The following PRKN variants were observed in gnomAD, a reference collection of about 807,000 sequenced individuals.
PRKN encodes parkin RBR E3 ubiquitin protein ligase, also known as E3 ubiquitin-protein ligase parkin.
Under a neutral mutation model 59.5 loss-of-function variants are expected in PRKN, and 56 were observed. That is an observed-to-expected ratio of 0.94 (90% CI 0.76 to 1.18). The LOEUF is 1.18. Ranked by LOEUF, PRKN falls within the 50% of genes most tolerant of loss-of-function variation. The probability of loss-of-function intolerance (pLI) is 0.00; values close to 1 mark genes in which losing one functional copy is unlikely to be tolerated. For synonymous variants in PRKN, 250 were observed against 222.1 expected (o/e 1.13, Z -1.12); for missense variants, 657 against 596.4 (o/e 1.10, Z -1.06).
In PRKN at chr6:161,445,603, C is replaced by T. The variant is rs1373313469; in HGVS notation, c.1084-58726G>A. Among the ~76,000 whole-genome samples, 1 of 152,214 alleles carries T rather than the reference C, an allele frequency of 6.6e-6. No individual in the cohort carries two copies. The highest frequency in any genetic ancestry group is 2.4e-5 in the African/African-American group (1 of 41,458). On this transcript the variant is annotated intron_variant, in intron 9 of 11. Transcript: ENST00000366898. This position sits in a 1 kb window ranked among gnomAD's most constrained non-coding sequence, Gnocchi z 7.7. ...CAGGGCAGCAGGAGAAAGAGGCCAC[C>T]TGTATCATCCACCCGTGCTGCAGCT...
At chr6:161,802,975 A>C (rs982096219) in intron 6 of PRKN, among the ~76,000 whole-genome samples, 1 of 152,194 alleles carries the variant, frequency 6.6e-6, no homozygotes, top group African/African-American at 2.4e-5. Flanking sequence ...TGATGTGAGA[A>C]GGGTGTTCTG....
chr6:162,651,257 A>G (rs1420701427), intron 1 of PRKN, among the ~76,000 whole-genome samples: 2 of 152,206 alleles, frequency 1.3e-5, no homozygotes, highest in Non-Finnish European at 2.9e-5. Context: ...AAATCTCTCA[A>G]ATGACACTGC....
intron 1 of PRKN, among the ~76,000 whole-genome samples, chr6:162,669,846 T>C (rs543215232): frequency 2.0e-5 from 3 of 152,322 alleles, no homozygotes; most frequent in Admixed American, 6.5e-5. Context: ...GATTGAGGGA[T>C]GGCATATTTG....
chr6:162,149,250 T>G (rs1782158079), intron 4 of PRKN, among the ~76,000 whole-genome samples: 1 of 152,228 alleles, frequency 6.6e-6, no homozygotes, highest in South Asian at 2.1e-4. Context: ...TCTTTTTTCT[T>G]CATAATTTTT....
At chr6:161,914,425 T>C (rs927673619) in intron 6 of PRKN, among the ~76,000 whole-genome samples, 2 of 152,294 alleles carry the variant, frequency 1.3e-5, no homozygotes, top group South Asian at 2.1e-4. Context: ...CTATTCATGG[T>C]GATTATCTCT....
In PRKN at chr6:161,356,760, C is replaced by T. The variant is rs1784773481; in HGVS notation, c.1285+3328G>A. The stretch of plus-strand genomic sequence containing the variant: ...AGAGGAAAAGGTTTTCTAGGAGCAG[C>T]TAGCACTCTGCTTTGTGAAATTTGA... On this transcript the variant is annotated intron_variant, in intron 11 of 11. Transcript: ENST00000366898. This position sits in a 1 kb window ranked among gnomAD's most constrained non-coding sequence, Gnocchi z 7.8. Among the ~76,000 whole-genome samples, 1 of 152,102 alleles carries T rather than the reference C, an allele frequency of 6.6e-6. No homozygotes were observed. Among genetic ancestry groups the T allele is most frequent in the African/African-American group, 2.4e-5 (1 of 41,406 alleles).
At chr6:162,389,126 G>A (rs1457480117) in intron 2 of PRKN, among the ~76,000 whole-genome samples, 4 of 151,902 alleles carry the variant, frequency 2.6e-5, no homozygotes, top group Non-Finnish European at 5.9e-5. Context: ...GGATGTGTGA[G>A]TCCTGCCAAA....
intron 7 of PRKN, among the ~76,000 whole-genome samples, chr6:161,648,230 T>C (rs1784027985): frequency 6.6e-6 from 1 of 152,240 alleles, no homozygotes; most frequent in Non-Finnish European, 1.5e-5. Flanking sequence ...ATATGGATTG[T>C]ACAGAAATGC....
chr6:161,418,628 T>TA (rs1408478276), intron 9 of PRKN, among the ~76,000 whole-genome samples: 2 of 152,180 alleles, frequency 1.3e-5, no homozygotes, highest in Non-Finnish European at 2.9e-5. Flanking sequence ...GCAAGGCAAT[T>TA]ACCTCGGCTA....
At chr6:161,627,727 G>A (rs192835497) in intron 7 of PRKN, among the ~76,000 whole-genome samples, 20 of 152,306 alleles carry the variant, frequency 1.3e-4, no homozygotes, top group Admixed American at 7.2e-4. Flanking sequence ...GGACCCCATT[G>A]GTGCAGAGAT....
intron 7 of PRKN, among the ~76,000 whole-genome samples, chr6:161,708,193 C>A (rs942007584): frequency 6.6e-6 from 1 of 151,930 alleles, no homozygotes; most frequent in African/African-American, 2.4e-5. Context: ...ATTGTGCATA[C>A]GGCATTGAAA....
intron 5 of PRKN, among the ~76,000 whole-genome samples, chr6:162,039,650 G>A (rs1488803369): frequency 6.6e-6 from 1 of 152,216 alleles, no homozygotes; most frequent in African/African-American, 2.4e-5. Flanking sequence ...CTGCAGGACT[G>A]TGAACTAGAT....
chr6:161,948,845 T>C (rs1313833907), intron 6 of PRKN, among the ~76,000 whole-genome samples: 1 of 152,250 alleles, frequency 6.6e-6, no homozygotes, highest in Non-Finnish European at 1.5e-5. Flanking sequence ...ACACAGATCC[T>C]TCTGGCAGTC....
intron 7 of PRKN, among the ~76,000 whole-genome samples, chr6:161,751,082 T>C (rs538148777): frequency 2.6e-5 from 4 of 152,302 alleles, no homozygotes; most frequent in African/African-American, 9.6e-5. Flanking sequence ...ATATCATAAA[T>C]AATACATACT....
Position 161,561,722 on chromosome 6 carries a change from A to G in PRKN, c.933+7633T>C, listed in dbSNP as rs1780461826. Among the ~76,000 whole-genome samples the G allele has an allele frequency of 6.6e-6, 1 of 151,798 alleles. No homozygotes were observed. Among genetic ancestry groups the G allele is most frequent in the Non-Finnish European group, 1.5e-5 (1 of 67,974 alleles). On this transcript the variant is annotated intron_variant, in intron 8 of 11. Coordinates refer to ENST00000366898, the MANE Select transcript of PRKN (RefSeq NM_004562.3). This position sits in a 1 kb window ranked among gnomAD's most constrained non-coding sequence, Gnocchi z 5.0. Reference sequence around the variant, plus strand: ...AGTTCTTGGATCTCTCTCTCAAATTACCGGTAATTCATCTCTGTGGAATCC... The same window carrying G: ...AGTTCTTGGATCTCTCTCTCAAATTGCCGGTAATTCATCTCTGTGGAATCC...
At chr6:161,368,075 C>A (rs1399037588) in intron 10 of PRKN, among the ~76,000 whole-genome samples, 1 of 151,622 alleles carries the variant, frequency 6.6e-6, no homozygotes, top group African/African-American at 2.4e-5. Flanking sequence ...GGGACTAAGG[C>A]TAAGATGCTG....
At position 161,588,267 on chromosome 6, in the gene PRKN, C is replaced by A. The variant is rs1781590588; in HGVS notation, c.872-18851G>T. 1.3e-5 allele frequency among the ~76,000 whole-genome samples: 2 copies of A among 152,002 alleles called. No homozygotes were observed. Among genetic ancestry groups the A allele is most frequent in the African/African-American group, 4.8e-5 (2 of 41,390 alleles). On this transcript the variant is annotated intron_variant, in intron 7 of 11. Transcript: ENST00000366898. The surrounding 1 kb of genome is among the most constrained non-coding windows in gnomAD (Gnocchi z 5.0). ...GGCGTGGTGGCTCATGCCTATAATC[C>A]CAGCTACCTGGGAGGCTGAGGCAGG... is the stretch of plus-strand genomic sequence containing the variant.
chr6:162,258,454 C>G (rs1225653658), intron 3 of PRKN, among the ~76,000 whole-genome samples: 3 of 152,186 alleles, frequency 2.0e-5, no homozygotes, highest in African/African-American at 7.2e-5. Context: ...TTAGGAAACA[C>G]CAATAACACA....
chr6:161,418,509 T>C (rs1787954599), intron 9 of PRKN, among the ~76,000 whole-genome samples: 1 of 152,234 alleles, frequency 6.6e-6, no homozygotes, highest in Non-Finnish European at 1.5e-5. Flanking sequence ...GTATTATTTC[T>C]GGGATTATAC....
Sources: allele counts gnomAD v4.1 joint callset (sites outside exome capture counted in the v4.1 genomes callset), GRCh38; gene constraint gnomAD v4.1.1; non-coding constraint Gnocchi (gnomAD v3.1); transcripts MANE v1.5; gene names NCBI Gene and HGNC (gene_info 2026-07-23, HGNC 2026-07-21).